The following BRINP3 variants were observed in gnomAD, a reference collection of about 807,000 sequenced individuals.
BRINP3 encodes the protein BMP/retinoic acid inducible neural specific 3.
Under a neutral mutation model 71.0 loss-of-function variants are expected in BRINP3, and 19 were observed. That is an observed-to-expected ratio of 0.27 (90% CI 0.19 to 0.39). BRINP3 has a LOEUF of 0.39. BRINP3 is among the 10% of genes least tolerant of loss of function. BRINP3 has a pLI of 1.00. For synonymous variants in BRINP3, 380 were observed against 337.7 expected (o/e 1.13, Z -1.37); for missense variants, 959 against 940.8 (o/e 1.02, Z -0.25).
intron 2 of BRINP3, among the ~76,000 whole-genome samples, chr1:190,398,901 CT>C (rs2102345516): frequency 6.6e-6 from 1 of 152,042 alleles, no homozygotes; most frequent in Admixed American, 6.6e-5. Flanking sequence ...TTTTAAGAAG[CT>C]TTTTTGATCC....
chr1:190,200,363 A>C (rs544254246), intron 6 of BRINP3, among the ~76,000 whole-genome samples: 1 of 152,272 alleles, frequency 6.6e-6, no homozygotes, highest in East Asian at 1.9e-4. Context: ...TTAGAATTTG[A>C]ATGGGAATAG....
At chr1:190,329,752 C>T (rs1156548260) in intron 2 of BRINP3, among the ~76,000 whole-genome samples, 1 of 151,950 alleles carries the variant, frequency 6.6e-6, no homozygotes, top group African/African-American at 2.4e-5. Flanking sequence ...TAAAACTATA[C>T]TACGAGGCCA....
chr1:190,184,901 T>A (rs1558044061), intron 6 of BRINP3, among the ~76,000 whole-genome samples: 1 of 152,058 alleles, frequency 6.6e-6, no homozygotes. Flanking sequence ...AAAGTAGAAA[T>A]TATTTTTTAA....
intron 6 of BRINP3, among the ~76,000 whole-genome samples, chr1:190,186,499 T>C (rs1653540227): frequency 6.6e-6 from 1 of 152,156 alleles, no homozygotes; most frequent in Non-Finnish European, 1.5e-5. Flanking sequence ...AGGCCACATC[T>C]TTTCACAACA....
chr1:190,154,342 A>C (rs764512012), intron 7 of BRINP3, among the ~76,000 whole-genome samples: 11 of 152,176 alleles, frequency 7.2e-5, no homozygotes, highest in Non-Finnish European at 1.5e-4. Flanking sequence ...TAGGAGGAGA[A>C]GAAATTGATT....
chr1:190,179,131 T>C (rs1652814992), intron 6 of BRINP3, among the ~76,000 whole-genome samples: 1 of 152,166 alleles, frequency 6.6e-6, no homozygotes. Context: ...ATATTTAAGT[T>C]GGAAAATGAG....
Position 190,277,087 on chromosome 1 carries a change from T to TTTTATATATATATA in BRINP3, c.427+4472_427+4473insTATATATATATAAA, listed in dbSNP as rs1290283215. On this transcript the variant is annotated intron_variant, in intron 3 of 7. Coordinates refer to ENST00000367462, the MANE Select transcript of BRINP3 (RefSeq NM_199051.3). ...TTTGATCCTGAAATAAATTTTGGTT[T>TTTTATATATATATA]TATATATATATATATATATATATAT... Among the ~76,000 whole-genome samples the TTTTATATATATATA allele has an allele frequency of 6.0e-3, 215 of 36,046 alleles. 7 individuals carry two copies. Among genetic ancestry groups the TTTTATATATATATA allele is most frequent in the Non-Finnish European group, 0.012 (174 of 15,032 alleles). The allele number at this position is 36,046 out of a possible 152,430, so 23.6% of individuals were successfully genotyped here. A position where few individuals can be genotyped will look rare whatever the true frequency, so the allele number is the denominator to read the frequency against.
chr1:190,297,921 T>A (rs746036972), intron 2 of BRINP3, among the ~76,000 whole-genome samples: 2 of 151,994 alleles, frequency 1.3e-5, no homozygotes, highest in Non-Finnish European at 2.9e-5. Context: ...GTCTGTAAAA[T>A]TATTGTTAAT....
intron 7 of BRINP3, among the ~76,000 whole-genome samples, chr1:190,126,910 T>C (rs1228063737): frequency 6.6e-6 from 1 of 151,908 alleles, no homozygotes; most frequent in African/African-American, 2.4e-5. Flanking sequence ...TTCATTGGAC[T>C]GATAGAGCAG....
intron 7 of BRINP3, among the ~76,000 whole-genome samples, chr1:190,127,117 G>A (rs1420286640): frequency 6.6e-6 from 1 of 151,638 alleles, no homozygotes; most frequent in Non-Finnish European, 1.5e-5. Context: ...TAGTAATGCA[G>A]CATTATGAGT....
At chr1:190,196,488 A>T (rs1055929582) in intron 6 of BRINP3, among the ~76,000 whole-genome samples, 2 of 152,112 alleles carry the variant, frequency 1.3e-5, no homozygotes, top group Non-Finnish European at 2.9e-5. Flanking sequence ...TTCCAAAGTA[A>T]ACAGTTATAA....
At chr1:190,337,323 C>T (rs1558193495) in intron 2 of BRINP3, among the ~76,000 whole-genome samples, 1 of 152,026 alleles carries the variant, frequency 6.6e-6, no homozygotes, top group African/African-American at 2.4e-5. Context: ...TGTTACTCAA[C>T]TTGATTGGAT....
chr1:190,422,169 C>G (rs577909650), intron 2 of BRINP3, among the ~76,000 whole-genome samples: 16 of 151,758 alleles, frequency 1.1e-4, no homozygotes, highest in African/African-American at 3.6e-4. Flanking sequence ...GTACTTAACT[C>G]GTGGTTAATT....
chr1:190,466,261 A>G (rs574702012), intron 1 of BRINP3, among the ~76,000 whole-genome samples: 11 of 151,936 alleles, frequency 7.2e-5, no homozygotes, highest in South Asian at 2.1e-4. Flanking sequence ...ACAATTCTCA[A>G]TACTGGGACA....
intron 6 of BRINP3, among the ~76,000 whole-genome samples, chr1:190,209,097 T>G (rs1239308595): frequency 1.3e-5 from 2 of 152,066 alleles, no homozygotes; most frequent in Non-Finnish European, 2.9e-5. Flanking sequence ...AAACTTAAAT[T>G]TTCATAATGT....
intron 2 of BRINP3, among the ~76,000 whole-genome samples, chr1:190,421,866 T>G (rs981823719): frequency 3.4e-4 from 51 of 152,000 alleles, no homozygotes; most frequent in African/African-American, 1.1e-3. Flanking sequence ...ACTACTTTTA[T>G]TACTTATTTA....
At chr1:190,373,251 G>A (rs528280176) in intron 2 of BRINP3, among the ~76,000 whole-genome samples, 1 of 151,966 alleles carries the variant, frequency 6.6e-6, no homozygotes, top group South Asian at 2.1e-4. Flanking sequence ...TTAGCCAGGC[G>A]TGGTGGTGCA....
chr1:190,312,208 A>C lies in BRINP3; in HGVS notation c.237-30458T>G, dbSNP rs186442492. On this transcript the variant is annotated intron_variant, in intron 2 of 7. Coordinates refer to ENST00000367462, the MANE Select transcript of BRINP3 (RefSeq NM_199051.3). ...ATGATCTTTCGTAAATTGCGAATTT[A>C]TGTTATTGCAAAGTTCAATATAAAA... Among the ~76,000 whole-genome samples the C allele has an allele frequency of 4.0e-3, 609 of 150,854 alleles. 2 individuals are homozygous for C. Among genetic ancestry groups the C allele is most frequent in the Middle Eastern group, 0.014 (4 of 292 alleles).
chr1:190,142,871 G>T (rs982677038), intron 7 of BRINP3, among the ~76,000 whole-genome samples: 1 of 151,712 alleles, frequency 6.6e-6, no homozygotes, highest in African/African-American at 2.4e-5. Context: ...AGAGATCTGA[G>T]ATAAAAGGAG....
Sources: gnomAD v4.1 joint callset for allele counts (sites outside exome capture counted in the v4.1 genomes callset) on GRCh38, gnomAD v4.1.1 for gene constraint, MANE v1.5 for transcripts, NCBI Gene and HGNC (gene_info 2026-07-23, HGNC 2026-07-21) for gene names.